The following MGAT4C variants were observed in gnomAD, a reference collection of about 807,000 sequenced individuals.
MGAT4C encodes alpha-1,3-mannosyl-glycoprotein 4-beta-N-acetylglucosaminyltransferase C.
A neutral mutation model predicts 40.1 loss-of-function variants in MGAT4C; 19 were observed. The observed-to-expected ratio is 0.47, with a 90% confidence interval of 0.33 to 0.70. The LOEUF is 0.70. Among genes scored for constraint, MGAT4C ranks in the 30% least tolerant of loss-of-function variants. MGAT4C has a pLI of 0.02. For synonymous variants in MGAT4C, 181 were observed against 187.1 expected, an observed-to-expected ratio of 0.97 and a Z score of 0.27; for missense variants, 491 against 563.2, an observed-to-expected ratio of 0.87 and a Z score of 1.30.
At chr12:86,324,012 A>G (rs1465721138) in intron 4 of MGAT4C, among the ~76,000 whole-genome samples, 1 of 151,972 alleles carries the variant, frequency 6.6e-6, no homozygotes, top group Non-Finnish European at 1.5e-5. Context: ...GGAAGTAAAA[A>G]TGAAACTTCA....
At chr12:86,774,353 C>CTTTCTTTTT (rs1565981803) in intron 1 of MGAT4C, among the ~76,000 whole-genome samples, 1 of 18,086 alleles carries the variant, frequency 5.5e-5, no homozygotes, top group Non-Finnish European at 1.3e-4. Flanking sequence ...CTCTCTCTCT[C>CTTTCTTTTT]CCCTCTCTCT....
At chr12:86,429,970 C>G (rs912440900) in intron 3 of MGAT4C, among the ~76,000 whole-genome samples, 1 of 152,028 alleles carries the variant, frequency 6.6e-6, no homozygotes, top group Non-Finnish European at 1.5e-5. Context: ...CTTTATCTTT[C>G]TGCTCCACTG....
intron 2 of MGAT4C, among the ~76,000 whole-genome samples, chr12:86,639,530 C>A (rs1050541009): frequency 2.0e-5 from 3 of 151,360 alleles, no homozygotes; most frequent in African/African-American, 2.4e-5. Flanking sequence ...TGGAGGCAGC[C>A]AGAACCATAA....
intron 2 of MGAT4C, among the ~76,000 whole-genome samples, chr12:86,692,607 T>C (rs1018015349): frequency 6.6e-6 from 1 of 152,164 alleles, no homozygotes; most frequent in Non-Finnish European, 1.5e-5. Flanking sequence ...CAGAGGTATA[T>C]GACCATCCTG....
At chr12:86,770,512 T>C (rs1264465441) in intron 1 of MGAT4C, among the ~76,000 whole-genome samples, 9 of 152,050 alleles carry the variant, frequency 5.9e-5, no homozygotes, top group Non-Finnish European at 1.3e-4. Flanking sequence ...TCAAAACATA[T>C]TAAATATTAT....
At chr12:86,481,572 C>A (rs552464296) in intron 2 of MGAT4C, among the ~76,000 whole-genome samples, 1 of 151,954 alleles carries the variant, frequency 6.6e-6, no homozygotes, top group South Asian at 2.1e-4. Context: ...CATACATATA[C>A]ATAAAGAATT....
At chr12:86,724,802 T>G (rs1373506079) in intron 2 of MGAT4C, among the ~76,000 whole-genome samples, 1 of 152,204 alleles carries the variant, frequency 6.6e-6, no homozygotes, top group African/African-American at 2.4e-5. Context: ...ATCCTTTGAC[T>G]AACATTTTCC....
At chr12:86,712,597 T>G (rs751517075) in intron 2 of MGAT4C, among the ~76,000 whole-genome samples, 39 of 152,154 alleles carry the variant, frequency 2.6e-4, no homozygotes, top group Admixed American at 9.2e-4. Flanking sequence ...GAAACTATTA[T>G]TTTTGAAAAC....
At chr12:86,778,333 A>C (rs10506936) in intron 1 of MGAT4C, among the ~76,000 whole-genome samples, 3,767 of 152,270 alleles carry the variant, frequency 0.025, 146 homozygotes, top group African/African-American at 0.086. Context: ...GAAGATGTAT[A>C]ATTTTAGACA....
intron 2 of MGAT4C, among the ~76,000 whole-genome samples, chr12:86,018,676 T>G (rs1277282935): frequency 1.3e-5 from 2 of 152,192 alleles, no homozygotes; most frequent in Non-Finnish European, 2.9e-5. Context: ...ATTGTTTTGC[T>G]GTTTCATATT....
At chr12:86,249,223 G>C (rs947357831) in intron 1 of MGAT4C, among the ~76,000 whole-genome samples, 1 of 151,998 alleles carries the variant, frequency 6.6e-6, no homozygotes, top group Non-Finnish European at 1.5e-5. Flanking sequence ...CATAAATAGT[G>C]AATAAATACT....
At position 86,785,694 on chromosome 12, in the gene MGAT4C, T is replaced by C. The variant is rs112320616; in HGVS notation, c.-262+52972A>G. 4.6e-3 allele frequency among the ~76,000 whole-genome samples: 698 copies of C among 151,898 alleles called. 3 individuals carry two copies. Among genetic ancestry groups the C allele is most frequent in the African/African-American group, 0.016 (665 of 41,510 alleles). Reference sequence around the variant, plus strand: ...TCAGTGTTTTGATGTTAAAGTTATCTGTTAAAGGAAGAAGAATATAATTTT... The same window carrying C: ...TCAGTGTTTTGATGTTAAAGTTATCCGTTAAAGGAAGAAGAATATAATTTT... On this transcript the variant is annotated intron_variant, in intron 1 of 7. Transcript: ENST00000548651.
intron 1 of MGAT4C, among the ~76,000 whole-genome samples, chr12:86,791,320 T>C (rs935622871): frequency 5.9e-5 from 9 of 152,128 alleles, no homozygotes; most frequent in Non-Finnish European, 1.0e-4. Flanking sequence ...GTTCCCATGA[T>C]ATATCCAAAC....
At chr12:86,324,027 GT>G (rs1954463067) in intron 4 of MGAT4C, among the ~76,000 whole-genome samples, 1 of 151,678 alleles carries the variant, frequency 6.6e-6, no homozygotes, top group Admixed American at 6.6e-5. Flanking sequence ...ACTTCAATTA[GT>G]TTTATTTTTT....
intron 2 of MGAT4C, among the ~76,000 whole-genome samples, chr12:86,527,669 T>A (rs939650445): frequency 6.6e-6 from 1 of 152,210 alleles, no homozygotes; most frequent in Non-Finnish European, 1.5e-5. Flanking sequence ...CTTTTATTTC[T>A]TTCATCAGAG....
intron 1 of MGAT4C, among the ~76,000 whole-genome samples, chr12:86,757,428 A>G (rs1951324431): frequency 6.6e-6 from 1 of 152,154 alleles, no homozygotes; most frequent in East Asian, 1.9e-4. Context: ...TGTGCATTGC[A>G]TTAAATAGCC....
intron 2 of MGAT4C, among the ~76,000 whole-genome samples, chr12:86,550,371 C>T (rs1592976611): frequency 6.6e-6 from 1 of 152,172 alleles, no homozygotes; most frequent in African/African-American, 2.4e-5. Flanking sequence ...TCCCACAGTC[C>T]TTGAAAGCCC....
intron 1 of MGAT4C, among the ~76,000 whole-genome samples, chr12:86,780,652 G>A (rs4842826): frequency 0.71 from 108,228 of 152,096 alleles, 40,458 homozygotes; most frequent in South Asian, 0.84. Context: ...ACAGTTCTAC[G>A]AATCAGTTAA....
chr12:86,816,594 TA>T (rs540853893), intron 1 of MGAT4C, among the ~76,000 whole-genome samples: 1 of 151,492 alleles, frequency 6.6e-6, no homozygotes, highest in Non-Finnish European at 1.5e-5. Context: ...ACATTCTGGT[TA>T]AAAAAAATTA....
Sources: allele counts gnomAD v4.1 joint callset (sites outside exome capture counted in the v4.1 genomes callset), GRCh38; gene constraint gnomAD v4.1.1; transcripts MANE v1.5; gene names NCBI Gene and HGNC (gene_info 2026-07-23, HGNC 2026-07-21).